ZNF654: variants seen among roughly 807,000 people sequenced by gnomAD.
The protein encoded by ZNF654 is zinc finger protein 654, also known as melanoma-associated antigen.
ZNF654 carries 19 observed loss-of-function variants against 95.3 expected under a neutral mutation model. The observed-to-expected ratio is 0.20, with a 90% CI of 0.14 to 0.29. ZNF654 has a LOEUF of 0.29. Among genes scored for constraint, ZNF654 ranks in the 10% least tolerant of loss-of-function variants. The pLI, the probability that ZNF654 is intolerant of heterozygous loss-of-function variation, is 1.00. For missense variants in ZNF654, 1,046 were observed against 1,341.0 expected (o/e 0.78, Z 3.44); for synonymous variants, 413 against 457.9 (o/e 0.90, Z 1.25).
intron 2 of ZNF654, chr3:88,095,861 C>A: frequency 2.2e-6 from 1 of 454,318 alleles, no homozygotes; most frequent in Non-Finnish European, 4.2e-6. Context: ...TCCACTTCAG[C>A]AGATACTCCA....
At position 88,138,946 on chromosome 3, in the gene ZNF654, C is replaced by T; in HGVS notation, c.1277C>T (p.Thr426Ile). The T allele has an allele frequency of 8.1e-7, 1 of 1,242,146 alleles. No individual in the cohort carries two copies. Among genetic ancestry groups the T allele is most frequent in the African/African-American group, 1.5e-5 (1 of 64,548 alleles). 76.9% of individuals were successfully genotyped at this position (1,242,146 alleles called of 1,614,324 possible). Residue 426 changes from threonine to isoleucine, a missense_variant, in exon 8 of 9, where the codon ACA becomes ATA. Transcript: ENST00000636215. The part of the protein sequence containing the change: ...KRPDEEYNEG[T>I]SSVQNRVRFE... ...CCAGATGAAGAATATAATGAAGGCA[C>T]AAGTAGTGTTCAAAATCGTGTTCGT... is the stretch of plus-strand genomic sequence containing the variant.
chr3:88,120,986 TG>T (rs1705736558), intron 3 of ZNF654, among the ~76,000 whole-genome samples: 1 of 152,070 alleles, frequency 6.6e-6, no homozygotes, highest in Non-Finnish European at 1.5e-5. Flanking sequence ...CTAATGCATG[TG>T]GTGCTTAAAA....
intron 7 of ZNF654, among the ~76,000 whole-genome samples, chr3:88,136,694 T>G (rs1276283145): frequency 2.0e-5 from 3 of 152,148 alleles, no homozygotes; most frequent in Non-Finnish European, 2.9e-5. Flanking sequence ...TGGCAGAGAC[T>G]GTGTGTGTTA....
chr3:88,082,650 GGT>G (rs1239477575), intron 1 of ZNF654, among the ~76,000 whole-genome samples: 2 of 152,010 alleles, frequency 1.3e-5, no homozygotes, highest in Admixed American at 6.6e-5. Flanking sequence ...TGTTAATAGG[GGT>G]TTAGATATGA....
At chr3:88,096,425 G>A (rs1407418624) in intron 2 of ZNF654, among the ~76,000 whole-genome samples, 2 of 152,064 alleles carry the variant, frequency 1.3e-5, no homozygotes, top group African/African-American at 2.4e-5. Flanking sequence ...GAAGCAGAGG[G>A]GTAAGGGGAG....
At chr3:88,079,700 A>G (rs1213031835) in intron 1 of ZNF654, among the ~76,000 whole-genome samples, 1 of 152,030 alleles carries the variant, frequency 6.6e-6, no homozygotes, top group Non-Finnish European at 1.5e-5. Context: ...GTATGATTGT[A>G]TGGAATATTA....
chr3:88,070,339 A>G (rs1707432660), intron 1 of ZNF654, among the ~76,000 whole-genome samples: 1 of 152,140 alleles, frequency 6.6e-6, no homozygotes, highest in African/African-American at 2.4e-5. Context: ...TTAAAATTTT[A>G]TGCAGCCATA....
chr3:88,068,237 G>A (rs1379970437), intron 1 of ZNF654, among the ~76,000 whole-genome samples: 1 of 152,058 alleles, frequency 6.6e-6, no homozygotes, highest in Non-Finnish European at 1.5e-5. Flanking sequence ...CTCGGTGAAG[G>A]TGTGAAAAAT....
At position 88,140,069 on chromosome 3, in the gene ZNF654, A is replaced by G. The variant is rs778486435; in HGVS notation, c.2400A>G (p.Gln800=). 1.2e-5 allele frequency: 19 copies of G among 1,613,720 alleles called. No homozygotes were observed. The African/African-American group carries it at 1.6e-4, about 14-fold the overall frequency. The stretch of plus-strand genomic sequence containing the variant: ...GTCAAAGGCAATTTGAAGATTCTCA[A>G]CATTTTATAGACCACCTTAATAGAC... ...KFCQRQFEDS[Q]HFIDHLNRHS... is the part of the protein sequence containing the mutation. Residue 800 remains glutamine (Q), a synonymous_variant, in exon 8 of 9, where the codon CAA becomes CAG. Transcript: ENST00000636215.
At chr3:88,072,461 A>C (rs1441903561) in intron 1 of ZNF654, among the ~76,000 whole-genome samples, 1 of 152,118 alleles carries the variant, frequency 6.6e-6, no homozygotes, top group Admixed American at 6.5e-5. Flanking sequence ...TTTTTCTTTT[A>C]TTACTATACA....
Position 88,105,431 on chromosome 3 carries a change from C to T in ZNF654, c.333-7684C>T, listed in dbSNP as rs930196602. Among the ~76,000 whole-genome samples, 5 of 152,150 alleles carry T rather than the reference C, an allele frequency of 3.3e-5. No individual in the cohort carries two copies. In the East Asian group the frequency reaches 9.6e-4, roughly 29 times the overall value. ...GCATAGTCAGTCAATTTGTCCTCTA[C>T]TGGTATGCATTTGGGTTGTTTCCAT... On this transcript the variant is annotated intron_variant, in intron 2 of 8. Coordinates refer to ENST00000636215, the MANE Select transcript of ZNF654 (RefSeq NM_001350134.2).
At chr3:88,086,836 G>A (rs1406641397) in intron 2 of ZNF654, among the ~76,000 whole-genome samples, 1 of 152,202 alleles carries the variant, frequency 6.6e-6, no homozygotes, top group Non-Finnish European at 1.5e-5. Flanking sequence ...AGGCTGGAGT[G>A]CAGTGGTGCC....
intron 2 of ZNF654, among the ~76,000 whole-genome samples, chr3:88,106,906 A>G (rs1019150842): frequency 6.6e-6 from 1 of 152,130 alleles, no homozygotes; most frequent in African/African-American, 2.4e-5. Context: ...TTTTTATCGT[A>G]TACTAAATTT....
intron 5 of ZNF654, 75 bp from the exon 6 acceptor site, chr3:88,129,612 T>TTCAA: frequency 8.7e-7 from 1 of 1,143,256 alleles, no homozygotes; most frequent in African/African-American, 1.5e-5. Context: ...TTCTCTTGAA[T>TTCAA]GTTTAAACAT....
chr3:88,059,530 A>G (rs1164681973), intron 1 of ZNF654, 25 bp downstream of exon 1: 2 of 1,458,734 alleles, frequency 1.4e-6, no homozygotes, highest in Non-Finnish European at 1.8e-6. Flanking sequence ...GGCCGCCCCG[A>G]CTTGTCACCC....
intron 2 of ZNF654, among the ~76,000 whole-genome samples, chr3:88,087,240 G>A (rs375108612): frequency 1.3e-4 from 20 of 151,656 alleles, no homozygotes; most frequent in African/African-American, 4.6e-4. Flanking sequence ...ACCATGCCTG[G>A]ATAATTTTTG....
intron 2 of ZNF654, among the ~76,000 whole-genome samples, chr3:88,100,371 G>A (rs1704337519): frequency 6.6e-6 from 1 of 152,172 alleles, no homozygotes. Flanking sequence ...TTACACTGTT[G>A]GTGGGACTGT....
chr3:88,139,211 T>A lies in ZNF654; in HGVS notation c.1542T>A (p.Asp514Glu). The A allele has an allele frequency of 6.8e-7, 1 of 1,464,184 alleles. No homozygotes were observed. Among genetic ancestry groups the A allele is most frequent in the Non-Finnish European group, 9.0e-7 (1 of 1,110,098 alleles). The allele number at this position is 1,464,184 out of a possible 1,614,324, so 90.7% of individuals were successfully genotyped here. ...GCACTGGAGAGACTGATCCTGATGA[T>A]GTATCTGGAGTGCAGCCTAAAGGTC... ...DQSTGETDPD[D>E]VSGVQPKGHI... The change falls in exon 8 of 9, where the codon GAT becomes GAA. Residue 514 changes from aspartate (D) to glutamate (E), a missense_variant. Transcript: ENST00000636215.
intron 3 of ZNF654, among the ~76,000 whole-genome samples, chr3:88,122,855 C>T (rs1705854642): frequency 6.6e-6 from 1 of 151,430 alleles, no homozygotes; most frequent in East Asian, 1.9e-4. Flanking sequence ...ACTAATAATA[C>T]AAAAATTAGC....
Sources: allele counts gnomAD v4.1 joint callset (sites outside exome capture counted in the v4.1 genomes callset), GRCh38; gene constraint gnomAD v4.1.1; transcripts MANE v1.5; gene names NCBI Gene and HGNC (gene_info 2026-07-23, HGNC 2026-07-21).